FCN1: variants seen among roughly 807,000 people sequenced by gnomAD.
The protein encoded by FCN1 is ficolin-1.
FCN1 carries 42 observed loss-of-function variants against 35.6 expected under a neutral mutation model. That is an observed-to-expected ratio of 1.18 (90% confidence interval 0.92 to 1.53). The LOEUF (loss-of-function observed/expected upper bound fraction) is 1.53. Among genes scored for constraint, FCN1 ranks in the 40% most tolerant of loss-of-function variants. The pLI, the probability that FCN1 is intolerant of heterozygous loss-of-function variation, is 0.00. For missense variants in FCN1, 439 were observed against 428.4 expected (o/e 1.02, Z -0.22); for synonymous variants, 179 against 169.8 (o/e 1.05, Z -0.42).
Position 134,911,280 on chromosome 9 carries a change from G to T in FCN1, c.599-13C>A, listed in dbSNP as rs1831020014. 1 of 1,611,726 alleles carries T rather than the reference G, an allele frequency of 6.2e-7. No homozygotes were observed. Among genetic ancestry groups the T allele is most frequent in the African/African-American group, 1.3e-5 (1 of 74,874 alleles). ...AGCTCGCTGCTTCCTGTTGGAAAAA[G>T]ATTTTAAGGCCCCAGCCTTTAAGAT... On this transcript the variant is annotated splice_polypyrimidine_tract_variant and intron_variant, in intron 7 of 8. Coordinates refer to ENST00000371806, the MANE Select transcript of FCN1 (RefSeq NM_002003.5).
At position 134,909,950 on chromosome 9, in the gene FCN1, C is replaced by T; in HGVS notation, c.829G>A (p.Ala277Thr). The change falls in exon 9 of 9, where the codon GCC becomes ACC. Residue 277 changes from alanine (A) to threonine (T), a missense_variant. Transcript: ENST00000371806. ...SSNCAEKFQG[A>T]WWYADCHASN... ...GCATGACAGTCGGCGTACCACCAGG[C>T]TCCTTGGAACTTCTCAGCACAATTC... The T allele has an allele frequency of 1.2e-6, 2 of 1,614,134 alleles. No homozygotes were observed. Among genetic ancestry groups the T allele is most frequent in the Non-Finnish European group, 1.7e-6 (2 of 1,179,992 alleles).
chr9:134,917,006 C>T (rs917673014), intron 1 of FCN1, among the ~76,000 whole-genome samples: 2 of 152,166 alleles, frequency 1.3e-5, no homozygotes, highest in East Asian at 3.9e-4. Flanking sequence ...GCAGCCAAAC[C>T]AAAGTTGTTT....
chr9:134,904,928 T>A lies in FCN1; in HGVS notation c.*4870A>T, dbSNP rs369287431. ...AAATGTGGTAAAAATGAATACGGAC[T>A]GCACAAAACAATACTAATAGCCATT... On this transcript the variant is annotated 3_prime_UTR_variant, in exon 9 of 9. Coordinates refer to ENST00000371806, the MANE Select transcript of FCN1 (RefSeq NM_002003.5). Among the ~76,000 whole-genome samples, 179 of 152,250 alleles carry A rather than the reference T, an allele frequency of 1.2e-3. 4 individuals are homozygous for A. In the South Asian group the frequency reaches 0.034, roughly 29 times the overall value.
intron 7 of FCN1, among the ~76,000 whole-genome samples, chr9:134,912,039 C>T (rs1831029284): frequency 6.6e-6 from 1 of 152,296 alleles, no homozygotes. Flanking sequence ...GAAACTCATC[C>T]CCTGCCCCAG....
In FCN1 at chr9:134,909,714, G is replaced by C; in HGVS notation, c.*84C>G. ...GGCGTCATGGGAGTGTGTCTGGCTG[G>C]GGAAATGGGGTGACTTCCACGACGC... On this transcript the variant is annotated 3_prime_UTR_variant, in exon 9 of 9. Coordinates refer to ENST00000371806, the MANE Select transcript of FCN1 (RefSeq NM_002003.5). 6.3e-7 allele frequency: 1 copy of C among 1,596,820 alleles called. No homozygotes were observed. Among genetic ancestry groups the C allele is most frequent in the Non-Finnish European group, 8.5e-7 (1 of 1,177,414 alleles).
In FCN1 at chr9:134,909,447, C is replaced by T. The variant is rs541568034; in HGVS notation, c.*351G>A. Reference sequence around the variant, plus strand: ...AAAGTCACTCAACCTCCCTGAACATCGGTAGTGCCATCTGCTAAATAAGGG... The same window carrying T: ...AAAGTCACTCAACCTCCCTGAACATTGGTAGTGCCATCTGCTAAATAAGGG... On this transcript the variant is annotated 3_prime_UTR_variant, in exon 9 of 9. Coordinates refer to ENST00000371806, the MANE Select transcript of FCN1 (RefSeq NM_002003.5). The T allele has an allele frequency of 2.5e-4, 319 of 1,293,314 alleles. 1 individual carries two copies. In the Middle Eastern group the frequency reaches 2.8e-3, roughly 11 times the overall value. The allele number at this position is 1,293,314 out of a possible 1,614,324, so 80.1% of individuals were successfully genotyped here.
rs1360085884 is a variant in FCN1, at chr9:134,910,056, A to C, written c.734-11T>G. 3.1e-6 allele frequency: 5 copies of C among 1,613,216 alleles called. No individual in the cohort carries two copies. The Admixed American group carries it at 5.0e-5, about 16-fold the overall frequency. Reference sequence around the variant, plus strand: ...CCGTTAGAGAATTACCTGCTCACAGAAAATGTGGGGTTTGCAGATGCTGGA... The same window carrying C: ...CCGTTAGAGAATTACCTGCTCACAGCAAATGTGGGGTTTGCAGATGCTGGA... On this transcript the variant is annotated splice_polypyrimidine_tract_variant and intron_variant, in intron 8 of 8. Transcript: ENST00000371806.
Position 134,910,036 on chromosome 9 carries a change from A to C in FCN1, c.743T>G (p.Leu248Arg), listed in dbSNP as rs542167426. The change falls in exon 9 of 9, where the codon CTA (leucine) becomes CGA (arginine). Residue 248 changes from leucine to arginine, a missense_variant. Physicochemically the swap from Leu to Arg is moderately radical, Grantham distance 102. Transcript: ENST00000371806. ...AFVGGSAGNS[L>R]TGHNNNFFST... ...GAAGAAGTTGTTGTTGTGGCCCGTT[A>C]GAGAATTACCTGCTCACAGAAAATG... The C allele has an allele frequency of 6.2e-7, 1 of 1,614,056 alleles. No individual in the cohort carries two copies. Among genetic ancestry groups the C allele is most frequent in the South Asian group, 1.1e-5 (1 of 91,076 alleles).
rs1476186971 is a variant in FCN1 at position 134,908,199 on chromosome 9, T to C, written c.*1599A>G. On this transcript the variant is annotated 3_prime_UTR_variant, in exon 9 of 9. Coordinates refer to ENST00000371806, the MANE Select transcript of FCN1 (RefSeq NM_002003.5). ...CTGGTAAGTGAAAAGTGGAGCACTT[T>C]TTGATAAATACCTTGCTCCCCTGCA... 6.6e-6 allele frequency: 1 copy of C among 152,324 alleles called. No individual in the cohort carries two copies. The highest frequency in any genetic ancestry group is 2.4e-5 in the African/African-American group (1 of 41,452). The allele number at this position is 152,324 out of a possible 1,614,324, so 9.4% of individuals were successfully genotyped here.
At chr9:134,912,745 T>A in intron 6 of FCN1, 130 bp from the exon 7 acceptor site, 1 of 1,278,612 alleles carries the variant, frequency 7.8e-7, no homozygotes, top group Non-Finnish European at 1.1e-6. Flanking sequence ...CGCACGCCCA[T>A]CTGGTCTCCT....
chr9:134,909,919 T>A lies in FCN1; in HGVS notation c.860A>T (p.Asn287Ile). Residue 287 changes from asparagine (N) to isoleucine (I), a missense_variant, in exon 9 of 9, where the codon AAC becomes ATC. By Grantham distance (149) the Asn-to-Ile change is moderately radical. Transcript: ENST00000371806. ...TCCCATGAGGTAGAGACCATTGAGG[T>A]TTGAAGCATGACAGTCGGCGTACCA... ...AWWYADCHASNLNGLYLMGPH... is the reference protein window; with the variant it reads ...AWWYADCHASILNGLYLMGPH... 6.2e-7 allele frequency: 1 copy of A among 1,613,996 alleles called. No homozygotes were observed. Among genetic ancestry groups the A allele is most frequent in the Non-Finnish European group, 8.5e-7 (1 of 1,179,986 alleles).
chr9:134,912,637 G>C, intron 6 of FCN1, 22 bp from the exon 7 acceptor site: 1 of 1,614,062 alleles, frequency 6.2e-7, no homozygotes, highest in South Asian at 1.1e-5. Flanking sequence ...CCAGGATACA[G>C]AGTTAGGCGG....
chr9:134,912,185 TG>T (rs1164059257), intron 7 of FCN1, among the ~76,000 whole-genome samples: 1 of 152,022 alleles, frequency 6.6e-6, no homozygotes, highest in Non-Finnish European at 1.5e-5. Context: ...CAGCTGGAGA[TG>T]GGGGAAGGCT....
At chr9:134,913,806 T>C (rs1221428417) in intron 4 of FCN1, among the ~76,000 whole-genome samples, 193 bp from the exon 5 acceptor site, 3 of 152,222 alleles carry the variant, frequency 2.0e-5, no homozygotes, top group Non-Finnish European at 2.9e-5. Flanking sequence ...CACATGGTTG[T>C]CCATAGGCCC....
chr9:134,914,020 G>A (rs538334643), intron 4 of FCN1, among the ~76,000 whole-genome samples: 3 of 152,310 alleles, frequency 2.0e-5, no homozygotes, highest in Admixed American at 6.5e-5. Flanking sequence ...CCCCGGCTCC[G>A]GTTTTCATTT....
At chr9:134,915,627 C>T (rs754717888) in intron 2 of FCN1, among the ~76,000 whole-genome samples, 2 of 152,192 alleles carry the variant, frequency 1.3e-5, no homozygotes, top group African/African-American at 2.4e-5. Flanking sequence ...CAGTGAAAGT[C>T]CAAGTCATAG....
At position 134,915,292 on chromosome 9, in the gene FCN1, G is replaced by A. The variant is rs142412017; in HGVS notation, c.218-483C>T. 9.4e-3 allele frequency among the ~76,000 whole-genome samples: 1,428 copies of A among 152,238 alleles called. 18 individuals carry two copies. The highest frequency in any genetic ancestry group is 0.032 in the African/African-American group (1,348 of 41,542). On this transcript the variant is annotated intron_variant, in intron 2 of 8. Transcript: ENST00000371806. ...CTGAGCTCCTGGGGTGTCACACAGC[G>A]CTCCACGTGGTTCTGGCCAGAAAGG...
rs374672995 is a variant in FCN1 at position 134,914,489 on chromosome 9, G to C, written c.272-69C>G. The C allele has an allele frequency of 2.1e-4, 300 of 1,451,312 alleles. 3 individuals carry two copies. In the African/African-American group the frequency reaches 3.7e-3, roughly 18 times the overall value. 89.9% of individuals were successfully genotyped at this position (1,451,312 alleles called of 1,614,324 possible). A position where few individuals can be genotyped will look rare whatever the true frequency, so the allele number is the denominator to read the frequency against. On this transcript the variant is annotated intron_variant, in intron 3 of 8. Coordinates refer to ENST00000371806, the MANE Select transcript of FCN1 (RefSeq NM_002003.5). The stretch of plus-strand genomic sequence containing the variant: ...TGGGCCACGGAAAGGCTGGTCCAGA[G>C]TGGGCTCCCGGCCTGGACACTGCAT...
At position 134,909,943 on chromosome 9, in the gene FCN1, C is replaced by A; in HGVS notation, c.836G>T (p.Trp279Leu). The A allele has an allele frequency of 6.2e-7, 1 of 1,614,154 alleles. No individual in the cohort carries two copies. Among genetic ancestry groups the A allele is most frequent in the Non-Finnish European group, 8.5e-7 (1 of 1,180,016 alleles). The stretch of plus-strand genomic sequence containing the variant: ...GTTTGAAGCATGACAGTCGGCGTAC[C>A]ACCAGGCTCCTTGGAACTTCTCAGC... ...NCAEKFQGAW[W>L]YADCHASNLN... Residue 279 changes from tryptophan (W) to leucine (L), a missense_variant, in exon 9 of 9, where the codon TGG becomes TTG. Physicochemically the swap from Trp to Leu is moderately conservative, Grantham distance 61. Coordinates refer to ENST00000371806, the MANE Select transcript of FCN1 (RefSeq NM_002003.5).
Sources: gnomAD v4.1 joint callset for allele counts (sites outside exome capture counted in the v4.1 genomes callset) on GRCh38, gnomAD v4.1.1 for gene constraint, MANE v1.5 for transcripts, NCBI Gene and HGNC (gene_info 2026-07-23, HGNC 2026-07-21) for gene names.